Variants in RYR2 observed in about 807,000 individuals in gnomAD.
RYR2 encodes ryanodine receptor 2.
Under a neutral mutation model 601.1 loss-of-function variants are expected in RYR2, and 227 were observed. The observed-to-expected ratio is 0.38, with a 90% CI of 0.34 to 0.42. The LOEUF (loss-of-function observed/expected upper bound fraction) is 0.42. Ranked by LOEUF, RYR2 falls within the 10% of genes least tolerant of loss-of-function variation. The pLI, the probability that RYR2 is intolerant of heterozygous loss-of-function variation, is 1.00. For missense variants in RYR2, 4,646 were observed against 6,156.5 expected (o/e 0.75, Z 8.21); for synonymous variants, 2,223 against 2,175.1 (o/e 1.02, Z -0.61).
chr1:237,345,061 G>A (rs550943746), intron 3 of RYR2, among the ~76,000 whole-genome samples: 3 of 152,166 alleles, frequency 2.0e-5, no homozygotes, highest in East Asian at 1.9e-4. Flanking sequence ...CGCCCACTTC[G>A]GACTCCCAAA....
chr1:237,815,912 C>G (rs1661768757), intron 100 of RYR2, among the ~76,000 whole-genome samples: 1 of 152,088 alleles, frequency 6.6e-6, no homozygotes, highest in Non-Finnish European at 1.5e-5. Context: ...TATGGGAAGC[C>G]AAATTTTAAC....
Position 237,711,771 on chromosome 1 carries a change from C to T in RYR2, c.10257C>T (p.Phe3419=), listed in dbSNP as rs748715725. 1.7e-5 allele frequency: 27 copies of T among 1,587,124 alleles called. No homozygotes were observed. The highest frequency in any genetic ancestry group is 1.2e-4 in the Admixed American group (7 of 59,264). The change falls in exon 71 of 105, where the codon TTC becomes TTT. Residue 3419 remains phenylalanine, a synonymous_variant. Transcript: ENST00000366574. ...SHNFKREEQN[F]VVQNEINNMS... ...ATTTCAAAAGAGAAGAGCAGAACTTCGTTGTACAGAATGAAATCAACAATA... is the reference window on the plus strand; with the variant it reads ...ATTTCAAAAGAGAAGAGCAGAACTTTGTTGTACAGAATGAAATCAACAATA...
chr1:237,121,419 G>A (rs1386066980), intron 1 of RYR2, among the ~76,000 whole-genome samples: 1 of 152,168 alleles, frequency 6.6e-6, no homozygotes, highest in East Asian at 1.9e-4. Flanking sequence ...CTGTTTTCTT[G>A]ATCGAGGAGA....
At chr1:237,799,342 A>G (rs547270537) in intron 97 of RYR2, among the ~76,000 whole-genome samples, 1 of 152,314 alleles carries the variant, frequency 6.6e-6, no homozygotes, top group South Asian at 2.1e-4. Context: ...CAGATCCTTA[A>G]CAAGCAATAT....
chr1:237,317,503 T>C (rs1349377784), intron 2 of RYR2, among the ~76,000 whole-genome samples: 1 of 152,206 alleles, frequency 6.6e-6, no homozygotes, highest in African/African-American at 2.4e-5. Context: ...TATTAGTATA[T>C]AGGATAGCTG....
intron 40 of RYR2, 49 bp from the exon 41 acceptor site, chr1:237,627,758 T>G (rs1331513339): frequency 2.0e-6 from 3 of 1,502,568 alleles, no homozygotes; most frequent in Non-Finnish European, 2.7e-6. Context: ...TCCAACTGAT[T>G]TGTCTTCTCT....
intron 79 of RYR2, among the ~76,000 whole-genome samples, chr1:237,738,957 C>T (rs1691376619): frequency 6.6e-6 from 1 of 152,190 alleles, no homozygotes; most frequent in Admixed American, 6.5e-5. Context: ...TGGTGATCCA[C>T]ACCCCCTCCA....
chr1:237,156,849 C>T (rs571023783), intron 1 of RYR2, among the ~76,000 whole-genome samples: 4 of 151,996 alleles, frequency 2.6e-5, no homozygotes, highest in Non-Finnish European at 5.9e-5. Flanking sequence ...GGAAATACAC[C>T]CCAGTTAAAA....
chr1:237,634,110 A>G lies in RYR2; in HGVS notation c.6688+400A>G, dbSNP rs138578057. 4.6e-5 allele frequency among the ~76,000 whole-genome samples: 7 copies of G among 152,332 alleles called. No homozygotes were observed. The East Asian group carries it at 1.2e-3, about 25-fold the overall frequency. ...ATCTAACAGTTTTACTTCTGGGTAT[A>G]TATATCCAAGGGAAATGAATAATCA... On this transcript the variant is annotated intron_variant, in intron 43 of 104. Transcript: ENST00000366574.
intron 10 of RYR2, among the ~76,000 whole-genome samples, chr1:237,390,890 C>T (rs908529925): frequency 8.6e-5 from 13 of 151,968 alleles, no homozygotes; most frequent in Admixed American, 2.0e-4. Context: ...GGTAAGAACG[C>T]GTTTGTTTGT....
At chr1:237,448,566 T>C (rs1439155196) in intron 14 of RYR2, among the ~76,000 whole-genome samples, 1 of 152,158 alleles carries the variant, frequency 6.6e-6, no homozygotes, top group Non-Finnish European at 1.5e-5. Flanking sequence ...TACTAATTAC[T>C]GAGAGAAAGG....
chr1:237,147,114 T>C (rs900629562), intron 1 of RYR2, among the ~76,000 whole-genome samples: 1 of 152,140 alleles, frequency 6.6e-6, no homozygotes, highest in Non-Finnish European at 1.5e-5. Flanking sequence ...ATGTGAAATC[T>C]CAGGAAACTC....
chr1:237,579,651 A>G (rs1452235613), intron 29 of RYR2, among the ~76,000 whole-genome samples: 2 of 152,158 alleles, frequency 1.3e-5, no homozygotes, highest in Non-Finnish European at 1.5e-5. Context: ...TTGAGCTCCT[A>G]TATTAAACCT....
At chr1:237,228,947 G>A (rs1684687667) in intron 1 of RYR2, among the ~76,000 whole-genome samples, 1 of 152,138 alleles carries the variant, frequency 6.6e-6, no homozygotes, top group South Asian at 2.1e-4. Context: ...CTAACATTGT[G>A]CACCTATGAT....
intron 1 of RYR2, among the ~76,000 whole-genome samples, chr1:237,070,280 C>T (rs1407374346): frequency 6.6e-6 from 1 of 152,102 alleles, no homozygotes; most frequent in African/African-American, 2.4e-5. Context: ...GATCCTCCTG[C>T]CTCAGCCTCC....
intron 59 of RYR2, 89 bp downstream of exon 59, chr1:237,674,308 C>T: frequency 9.5e-7 from 1 of 1,047,892 alleles, no homozygotes; most frequent in Non-Finnish European, 1.4e-6. Context: ...AAAATGAATT[C>T]AATGATCTGT....
rs794728735 is a variant in RYR2, at chr1:237,595,564, C to A, written c.4503C>A (p.Asn1501Lys). The A allele has an allele frequency of 1.9e-6, 3 of 1,613,628 alleles. No homozygotes were observed. The East Asian group carries it at 6.7e-5, about 36-fold the overall frequency. Reference protein sequence around the residue: ...GESMSPGQGRNNNGLEIGCVV... With the variant: ...GESMSPGQGRKNNGLEIGCVV... ...GCATGAGCCCCGGGCAAGGACGCAACAATAATGGACTGGAGATTGGCTGTG... is the reference window on the plus strand; with the variant it reads ...GCATGAGCCCCGGGCAAGGACGCAAAAATAATGGACTGGAGATTGGCTGTG... The change falls in exon 34 of 105, where the codon AAC becomes AAA. Residue 1501 changes from asparagine (N) to lysine (K), a missense_variant. This residue lies in a region of RYR2 where 1,807 missense variants were observed against 2,088.1 expected (regional missense o/e 0.87). Transcript: ENST00000366574.
At chr1:237,653,016 T>C (rs1573355125) in intron 51 of RYR2, among the ~76,000 whole-genome samples, 1 of 152,222 alleles carries the variant, frequency 6.6e-6, no homozygotes, top group African/African-American at 2.4e-5. Context: ...AAAATATGTA[T>C]AGTCATAAGA....
At chr1:237,822,494 C>G (rs528542827) in intron 101 of RYR2, among the ~76,000 whole-genome samples, 1 of 152,220 alleles carries the variant, frequency 6.6e-6, no homozygotes, top group East Asian at 1.9e-4. Flanking sequence ...GATTTTATCA[C>G]CACCAGGCCT....
Sources: allele counts gnomAD v4.1 joint callset (sites outside exome capture counted in the v4.1 genomes callset), GRCh38; gene constraint gnomAD v4.1.1; regional missense constraint gnomAD v4.1.1; transcripts MANE v1.5; gene names NCBI Gene and HGNC (gene_info 2026-07-23, HGNC 2026-07-21).